MATCAP2: variants seen among roughly 807,000 people sequenced by gnomAD.
MATCAP2 encodes the protein microtubule associated tyrosine carboxypeptidase 2, also known as putative tyrosine carboxypeptidase MATCAP2.
chr7:36,363,525 GAGCAAACC>G, the MATCAP2 span, among the ~76,000 whole-genome samples: 2 of 152,156 alleles, frequency 1.3e-5, no homozygotes, highest in African/African-American at 4.8e-5. Context: ...ACCAACAGTT[GAGCAAACC>G]ATCGGATAAT....
chr7:36,354,029 C>T, the MATCAP2 span, among the ~76,000 whole-genome samples: 1 of 152,198 alleles, frequency 6.6e-6, no homozygotes, highest in Admixed American at 6.5e-5. Context: ...TTCCTTAGCA[C>T]CTATGAAGCA....
the MATCAP2 span, among the ~76,000 whole-genome samples, chr7:36,366,449 C>T: frequency 7.9e-5 from 12 of 152,270 alleles, no homozygotes; most frequent in South Asian, 1.5e-3. Flanking sequence ...TTAATAATAT[C>T]AACTCAAAAC....
chr7:36,389,227 A>T, the MATCAP2 span, among the ~76,000 whole-genome samples: 180 of 151,596 alleles, frequency 1.2e-3, no homozygotes, highest in African/African-American at 4.2e-3. Context: ...TGCCTATCTA[A>T]TTTTTTTGTA....
At chr7:36,367,298 T>G in the MATCAP2 span, 5 of 1,018,832 alleles carry the variant, frequency 4.9e-6, no homozygotes, top group East Asian at 8.8e-5. Context: ...CTGGGGGCGC[T>G]CGTGCGACGA....
At chr7:36,375,669 G>A in the MATCAP2 span, among the ~76,000 whole-genome samples, 1 of 152,178 alleles carries the variant, frequency 6.6e-6, no homozygotes, top group African/African-American at 2.4e-5. Flanking sequence ...AATGGTACCA[G>A]CTCCTCTTTG....
At chr7:36,330,056 TTTTATTTTA>T in the MATCAP2 span, among the ~76,000 whole-genome samples, 1 of 4,600 alleles carries the variant, frequency 2.2e-4, no homozygotes, top group East Asian at 0.056. Context: ...TTTTTTTTAT[TTTTATTTTA>T]TTTTATTTTA....
At chr7:36,357,319 G>A in the MATCAP2 span, 2 of 1,614,072 alleles carry the variant, frequency 1.2e-6, no homozygotes, top group Non-Finnish European at 8.5e-7. Flanking sequence ...CTTTCATCCT[G>A]CGAGGATCTT....
At chr7:36,362,601 G>A in the MATCAP2 span, among the ~76,000 whole-genome samples, 1 of 152,146 alleles carries the variant, frequency 6.6e-6, no homozygotes, top group African/African-American at 2.4e-5. Flanking sequence ...TCCTAACCAT[G>A]GTCTATGAGG....
At chr7:36,324,495 A>G in the MATCAP2 span, 4 of 152,080 alleles carry the variant, frequency 2.6e-5, no homozygotes, top group African/African-American at 9.7e-5. Context: ...CCTATGACAA[A>G]TAACTATTAT....
the MATCAP2 span, among the ~76,000 whole-genome samples, chr7:36,331,913 C>A: frequency 6.6e-6 from 1 of 152,042 alleles, no homozygotes; most frequent in Non-Finnish European, 1.5e-5. Context: ...AAAAATTGTC[C>A]TAATCAGAGA....
chr7:36,349,748 G>C, the MATCAP2 span, among the ~76,000 whole-genome samples: 1 of 152,194 alleles, frequency 6.6e-6, no homozygotes, highest in Non-Finnish European at 1.5e-5. Context: ...AAAAGACTTT[G>C]TTAAGGTAAG....
At chr7:36,379,843 C>G in the MATCAP2 span, among the ~76,000 whole-genome samples, 19,832 of 123,104 alleles carry the variant, frequency 0.16, 1,515 homozygotes, top group Non-Finnish European at 0.19. Context: ...CACACACACA[C>G]ACACAGAGAG....
the MATCAP2 span, chr7:36,330,881 C>T: frequency 4.4e-6 from 3 of 686,672 alleles, no homozygotes; most frequent in Non-Finnish European, 7.6e-6. Flanking sequence ...TGACAATAAA[C>T]TAAAAATACT....
chr7:36,340,744 G>A, the MATCAP2 span, among the ~76,000 whole-genome samples: 451 of 152,284 alleles, frequency 3.0e-3, 1 homozygote, highest in African/African-American at 0.01. Flanking sequence ...TAGAGATAGC[G>A]ACAGTAGCTG....
At chr7:36,377,582 G>A in the MATCAP2 span, among the ~76,000 whole-genome samples, 21 of 152,148 alleles carry the variant, frequency 1.4e-4, no homozygotes, top group Admixed American at 1.3e-4. Context: ...ATGTGTCTCA[G>A]GGTTGCTCTT....
chr7:36,389,389 G>T, the MATCAP2 span, among the ~76,000 whole-genome samples: 1 of 151,534 alleles, frequency 6.6e-6, no homozygotes. Context: ...TTGAGGCAGG[G>T]TCTCACTCTG....
At chr7:36,389,973 C>A in the MATCAP2 span, 2 of 1,614,072 alleles carry the variant, frequency 1.2e-6, no homozygotes, top group Non-Finnish European at 1.7e-6. Flanking sequence ...TCACTTTTCT[C>A]TTCCTGAATT....
the MATCAP2 span, chr7:36,356,177 A>G: frequency 6.6e-6 from 1 of 152,250 alleles, no homozygotes; most frequent in Non-Finnish European, 1.5e-5. Context: ...AATTTAACAC[A>G]ATAGGAAGAA....
At chr7:36,390,240 G>T in the MATCAP2 span, 1 of 824,650 alleles carries the variant, frequency 1.2e-6, no homozygotes, top group Non-Finnish European at 1.9e-6. Flanking sequence ...TTGTTGTTTC[G>T]GTCCTACAGA....
Sources: gnomAD v4.1 joint callset for allele counts (sites outside exome capture counted in the v4.1 genomes callset) on GRCh38, gnomAD v4.1.1 for gene constraint, MANE v1.5 for transcripts, NCBI Gene and HGNC (gene_info 2026-07-23, HGNC 2026-07-21) for gene names.